SERINC2: variants seen among roughly 807,000 people sequenced by gnomAD.
SERINC2 encodes the protein tumor differentially expressed protein 2.
Under a neutral mutation model 54.2 loss-of-function variants are expected in SERINC2, and 56 were observed. The observed-to-expected ratio is 1.03, with a 90% confidence interval of 0.83 to 1.29. SERINC2 has a LOEUF of 1.29. SERINC2 is among the 50% of genes most tolerant of loss of function. SERINC2 has a pLI of 0.00. For synonymous variants in SERINC2, 272 were observed against 253.1 expected (o/e 1.07, Z -0.71); for missense variants, 614 against 607.4 (o/e 1.01, Z -0.12).
intron 8 of SERINC2, among the ~76,000 whole-genome samples, chr1:31,430,933 G>T (rs1255293449): frequency 1.3e-5 from 2 of 152,168 alleles, no homozygotes; most frequent in Non-Finnish European, 2.9e-5. Context: ...AGGCCCCTGG[G>T]CTAGAACATT....
intron 1 of SERINC2, among the ~76,000 whole-genome samples, chr1:31,416,068 G>A (rs112580048): frequency 1.4e-3 from 208 of 152,238 alleles, no homozygotes; most frequent in African/African-American, 4.5e-3. Context: ...CACTGGACTC[G>A]GATCCTAGCT....
At chr1:31,412,659 AC>A (rs1174972703), upstream of SERINC2, among the ~76,000 whole-genome samples, 1 of 152,122 alleles carries the variant, frequency 6.6e-6, no homozygotes, top group Non-Finnish European at 1.5e-5. Flanking sequence ...ACAGAGCAAG[AC>A]CCTGTCTCTT....
At chr1:31,421,597 C>T (rs1296222220) in intron 1 of SERINC2, among the ~76,000 whole-genome samples, 5 of 152,122 alleles carry the variant, frequency 3.3e-5, no homozygotes, top group African/African-American at 4.8e-5. Flanking sequence ...GGCAGATGCC[C>T]GCCAGCAGGG....
chr1:31,424,983 A>G, intron 3 of SERINC2, 110 bp downstream of exon 3: 1 of 812,402 alleles, frequency 1.2e-6, no homozygotes, highest in Non-Finnish European at 1.9e-6. Context: ...GAGCCACGGG[A>G]GGGCACAGCA....
rs527628797 is a variant in SERINC2, at chr1:31,431,447, G to C, written c.1014-1520G>C. 2.0e-5 allele frequency among the ~76,000 whole-genome samples: 3 copies of C among 152,186 alleles called. No homozygotes were observed. The South Asian group carries it at 6.2e-4, about 32-fold the overall frequency. On this transcript the variant is annotated intron_variant, in intron 8 of 9. Transcript: ENST00000373709. Reference sequence around the variant, plus strand: ...CCTGATTACCTTCATTTTACAGATAGGGAAACTGACAGCCGGGGAGGAGGC... The same window carrying C: ...CCTGATTACCTTCATTTTACAGATACGGAAACTGACAGCCGGGGAGGAGGC...
intron 6 of SERINC2, among the ~76,000 whole-genome samples, chr1:31,428,032 T>A (rs1641091131): frequency 6.6e-6 from 1 of 151,090 alleles, no homozygotes; most frequent in South Asian, 2.1e-4. Context: ...CAGCCTAAAA[T>A]TTTTTTTGTT....
upstream of SERINC2, among the ~76,000 whole-genome samples, chr1:31,411,335 G>A (rs1372821637): frequency 6.6e-6 from 1 of 152,196 alleles, no homozygotes; most frequent in African/African-American, 2.4e-5. Context: ...TTCAGCAATA[G>A]TAACAACAAC....
upstream of SERINC2, chr1:31,413,150 A>G: frequency 1.0e-6 from 1 of 994,622 alleles, no homozygotes; most frequent in Non-Finnish European, 1.2e-6. The surrounding 1 kb of genome is among the most constrained non-coding windows in gnomAD (Gnocchi z 5.0). Flanking sequence ...CGGCTTCGGT[A>G]GGTGGGGCGG....
intron 9 of SERINC2, among the ~76,000 whole-genome samples, chr1:31,433,675 G>A (rs1553135215): frequency 6.6e-6 from 1 of 152,158 alleles, no homozygotes; most frequent in African/African-American, 2.4e-5. Flanking sequence ...AGGTCAAGGA[G>A]CTAAATGACA....
chr1:31,429,794 C>T (rs971624579), intron 8 of SERINC2, among the ~76,000 whole-genome samples: 4 of 152,058 alleles, frequency 2.6e-5, no homozygotes, highest in African/African-American at 7.2e-5. Context: ...TGGGTGCAGA[C>T]GGCTGTGGGG....
At chr1:31,433,967 T>C in intron 9 of SERINC2, 97 bp from the exon 10 acceptor site, 1 of 1,269,034 alleles carries the variant, frequency 7.9e-7, no homozygotes, top group South Asian at 1.4e-5. Context: ...AGAGCCAGAG[T>C]TGAAGTCAGG....
intron 1 of SERINC2, among the ~76,000 whole-genome samples, chr1:31,417,925 C>T (rs923310631): frequency 2.3e-5 from 3 of 131,056 alleles, no homozygotes; most frequent in African/African-American, 8.7e-5. Flanking sequence ...GGCACAATCT[C>T]GGCTCATTGC....
chr1:31,431,804 A>ATAGGGTGGT (rs1557499849), intron 8 of SERINC2, among the ~76,000 whole-genome samples: 1 of 122,412 alleles, frequency 8.2e-6, no homozygotes, highest in Non-Finnish European at 1.7e-5. Context: ...GATAGGGTGG[A>ATAGGGTGGT]CAGGGTGGAC....
At chr1:31,431,407 G>A (rs1641194418) in intron 8 of SERINC2, among the ~76,000 whole-genome samples, 1 of 151,768 alleles carries the variant, frequency 6.6e-6, no homozygotes, top group African/African-American at 2.4e-5. Flanking sequence ...GATTACAGGA[G>A]TGCACCACTC....
At chr1:31,410,992 T>C (rs1443630729), upstream of SERINC2, among the ~76,000 whole-genome samples, 1 of 152,124 alleles carries the variant, frequency 6.6e-6, no homozygotes, top group Non-Finnish European at 1.5e-5. Flanking sequence ...AGGGTATGTT[T>C]TTGGATCAGA....
intron 6 of SERINC2, among the ~76,000 whole-genome samples, chr1:31,427,986 C>A (rs1341063840): frequency 6.6e-6 from 1 of 151,928 alleles, no homozygotes; most frequent in South Asian, 2.1e-4. Flanking sequence ...CTCAGCCTCC[C>A]AAAGTGCTGG....
chr1:31,430,129 C>G (rs990361127), intron 8 of SERINC2, among the ~76,000 whole-genome samples: 1 of 152,120 alleles, frequency 6.6e-6, no homozygotes, highest in Non-Finnish European at 1.5e-5. Context: ...CTCTTTAGGC[C>G]TCCATTTCCT....
chr1:31,433,975 A>G lies in SERINC2; in HGVS notation c.1233-89A>G. The stretch of plus-strand genomic sequence containing the variant: ...CAGGGTAAGAGCCAGAGTTGAAGTC[A>G]GGGGTCATAACTGGGACATAAGGCC... On this transcript the variant is annotated intron_variant, in intron 9 of 9. Transcript: ENST00000373709. 2.9e-6 allele frequency: 4 copies of G among 1,360,142 alleles called. No homozygotes were observed. The South Asian group carries it at 5.2e-5, about 18-fold the overall frequency. The allele number at this position is 1,360,142 out of a possible 1,614,324, so 84.3% of individuals were successfully genotyped here. A position where few individuals can be genotyped will look rare whatever the true frequency, so the allele number is the denominator to read the frequency against.
chr1:31,432,029 A>ATAGGATGGT (rs1557500669), intron 8 of SERINC2, among the ~76,000 whole-genome samples: 3 of 119,856 alleles, frequency 2.5e-5, no homozygotes, highest in East Asian at 2.8e-4. Context: ...GACAGGGTGG[A>ATAGGATGGT]CAGGGTGGAC....
Sources: allele counts gnomAD v4.1 joint callset (sites outside exome capture counted in the v4.1 genomes callset), GRCh38; gene constraint gnomAD v4.1.1; non-coding constraint Gnocchi (gnomAD v3.1); transcripts MANE v1.5; gene names NCBI Gene and HGNC (gene_info 2026-07-23, HGNC 2026-07-21).